CRTC3: variants seen among roughly 807,000 people sequenced by gnomAD.
CRTC3 encodes the protein CREB regulated transcription coactivator 3, also known as CREB-regulated transcription coactivator 3.
CRTC3 carries 26 observed loss-of-function variants against 74.5 expected under a neutral mutation model. The observed-to-expected ratio is 0.35, with a 90% CI of 0.26 to 0.48. CRTC3 has a LOEUF of 0.48. Among genes scored for constraint, CRTC3 ranks in the 20% least tolerant of loss-of-function variants. CRTC3 has a pLI of 0.99. For missense variants in CRTC3, 760 were observed against 787.3 expected (o/e 0.97, Z 0.41); for synonymous variants, 377 against 325.8 (o/e 1.16, Z -1.69).
intron 3 of CRTC3, chr15:90,594,079 T>A: frequency 5.0e-6 from 1 of 198,492 alleles, no homozygotes; most frequent in South Asian, 1.6e-4. Flanking sequence ...TGACTTTGAA[T>A]CAGGTTAGAG....
At chr15:90,640,654 C>A (rs1050550396) in intron 13 of CRTC3, among the ~76,000 whole-genome samples, 3 of 151,134 alleles carry the variant, frequency 2.0e-5, no homozygotes, top group Non-Finnish European at 4.4e-5. Context: ...TGCACTCCAG[C>A]CTGGGCAACA....
intron 13 of CRTC3, 34 bp from the exon 14 acceptor site, chr15:90,641,063 G>A: frequency 7.2e-7 from 1 of 1,390,076 alleles, no homozygotes; most frequent in Admixed American, 1.7e-5. Flanking sequence ...AAACAGAGGT[G>A]TGGCCTTCCT....
chr15:90,589,337 G>A (rs1261952015), intron 2 of CRTC3, among the ~76,000 whole-genome samples: 1 of 151,240 alleles, frequency 6.6e-6, no homozygotes, highest in Non-Finnish European at 1.5e-5. Context: ...TTACAGGCGT[G>A]AGCCATGGCG....
Position 90,530,309 on chromosome 15 carries a change from G to C in CRTC3, c.132+106G>C. 1 of 666,768 alleles carries C rather than the reference G, an allele frequency of 1.5e-6. No individual in the cohort carries two copies. The highest frequency in any genetic ancestry group is 1.9e-6 in the Non-Finnish European group (1 of 538,558). 41.3% of individuals were successfully genotyped at this position (666,768 alleles called of 1,614,324 possible). A position where few individuals can be genotyped will look rare whatever the true frequency, so the allele number is the denominator to read the frequency against. Reference sequence around the variant, plus strand: ...AAGGCGATGGCGGGGCCGGGCGGGGGCCGCGCCCGGGAACCGGCGGCTGGG... The same window carrying C: ...AAGGCGATGGCGGGGCCGGGCGGGGCCCGCGCCCGGGAACCGGCGGCTGGG... On this transcript the variant is annotated intron_variant, in intron 1 of 14. Coordinates refer to ENST00000268184, the MANE Select transcript of CRTC3 (RefSeq NM_022769.5). The surrounding 1 kb of genome is among the most constrained non-coding windows in gnomAD (Gnocchi z 6.2).
Position 90,638,727 on chromosome 15 carries a change from C to G in CRTC3, c.1468-8C>G. The G allele has an allele frequency of 6.2e-7, 1 of 1,613,878 alleles. No individual in the cohort carries two copies. Among genetic ancestry groups the G allele is most frequent in the South Asian group, 1.1e-5 (1 of 91,058 alleles). On this transcript the variant is annotated splice_region_variant and splice_polypyrimidine_tract_variant and intron_variant, in intron 12 of 14. Transcript: ENST00000268184. ...CAAGCTAAATGATCATCTCCTTATT[C>G]CCTGAAGGGCTCATCTTTGACCAAC...
intron 2 of CRTC3, 105 bp from the exon 3 acceptor site, chr15:90,593,531 A>C (rs1967847595): frequency 7.3e-7 from 1 of 1,366,362 alleles, no homozygotes; most frequent in Non-Finnish European, 1.0e-6. Context: ...ATAATAAGTA[A>C]AACTGTAAAA....
intron 1 of CRTC3, among the ~76,000 whole-genome samples, chr15:90,536,169 ACTGT>A (rs771525518): frequency 1.3e-5 from 2 of 152,112 alleles, no homozygotes; most frequent in Admixed American, 6.6e-5. Flanking sequence ...ACAATAGCAC[ACTGT>A]CTGTATATTA....
intron 14 of CRTC3, among the ~76,000 whole-genome samples, chr15:90,641,463 C>T (rs1298721680): frequency 2.0e-5 from 3 of 151,910 alleles, no homozygotes; most frequent in East Asian, 1.9e-4. Context: ...TTTGGGAGGC[C>T]GAGGTGGGCG....
chr15:90,606,335 G>T (rs369781793), intron 5 of CRTC3, among the ~76,000 whole-genome samples: 4 of 152,128 alleles, frequency 2.6e-5, no homozygotes, highest in East Asian at 1.9e-4. Context: ...GCTGAGGCAG[G>T]TGGATCACCC....
chr15:90,536,490 C>A (rs1196287975), intron 1 of CRTC3, among the ~76,000 whole-genome samples: 57 of 141,684 alleles, frequency 4.0e-4, no homozygotes, highest in African/African-American at 2.6e-4. Flanking sequence ...GACCCTGTCT[C>A]AAAAAAAAAA....
intron 13 of CRTC3, among the ~76,000 whole-genome samples, chr15:90,639,026 A>G (rs1969342526): frequency 6.6e-6 from 1 of 152,134 alleles, no homozygotes; most frequent in African/African-American, 2.4e-5. Flanking sequence ...CAGAGGAACT[A>G]TTGGAACAAT....
At chr15:90,633,120 T>C (rs915635558) in intron 11 of CRTC3, among the ~76,000 whole-genome samples, 1 of 152,244 alleles carries the variant, frequency 6.6e-6, no homozygotes, top group Non-Finnish European at 1.5e-5. Flanking sequence ...TTAGTGTTTT[T>C]ATAGTTACAA....
intron 2 of CRTC3, among the ~76,000 whole-genome samples, chr15:90,586,065 C>T (rs1490740472): frequency 1.3e-5 from 2 of 152,170 alleles, no homozygotes; most frequent in African/African-American, 2.4e-5. Flanking sequence ...AAGCTTCATG[C>T]AAGTACCCAT....
At chr15:90,632,243 G>T (rs1969065986) in intron 11 of CRTC3, among the ~76,000 whole-genome samples, 1 of 152,096 alleles carries the variant, frequency 6.6e-6, no homozygotes, top group Admixed American at 6.6e-5. Flanking sequence ...TAAGGAGACT[G>T]TATGGCCAGA....
At chr15:90,640,064 A>C (rs1305619046) in intron 13 of CRTC3, among the ~76,000 whole-genome samples, 1 of 151,898 alleles carries the variant, frequency 6.6e-6, no homozygotes, top group African/African-American at 2.4e-5. Context: ...AAGTAAATAA[A>C]ATAATAATAA....
intron 2 of CRTC3, among the ~76,000 whole-genome samples, chr15:90,551,641 A>G (rs1216606551): frequency 6.6e-6 from 1 of 152,056 alleles, no homozygotes; most frequent in Non-Finnish European, 1.5e-5. Context: ...TTCCCTTAAG[A>G]GCCCAGGGCT....
intron 6 of CRTC3, among the ~76,000 whole-genome samples, chr15:90,611,345 C>T (rs569378847): frequency 2.6e-5 from 4 of 152,254 alleles, no homozygotes; most frequent in African/African-American, 7.2e-5. Context: ...GACCGGCCCT[C>T]GGTGGCTCTG....
chr15:90,579,460 G>C (rs1452633410), intron 2 of CRTC3, among the ~76,000 whole-genome samples: 2 of 152,070 alleles, frequency 1.3e-5, no homozygotes, highest in African/African-American at 2.4e-5. Flanking sequence ...GGGCTCTAAG[G>C]CTGGTTTATA....
intron 13 of CRTC3, among the ~76,000 whole-genome samples, chr15:90,640,467 C>T (rs1375173692): frequency 3.3e-5 from 5 of 152,112 alleles, no homozygotes; most frequent in African/African-American, 4.8e-5. Context: ...CAGTGGCTTA[C>T]TTGAACTCAG....
Sources: gnomAD v4.1 joint callset for allele counts (sites outside exome capture counted in the v4.1 genomes callset) on GRCh38, gnomAD v4.1.1 for gene constraint, Gnocchi (gnomAD v3.1) non-coding constraint, MANE v1.5 for transcripts, NCBI Gene and HGNC (gene_info 2026-07-23, HGNC 2026-07-21) for gene names.